The following DDX10 variants were observed in gnomAD, a reference collection of about 807,000 sequenced individuals.
DDX10 encodes DEAD-box helicase 10.
A neutral mutation model predicts 104.3 loss-of-function variants in DDX10; 74 were observed. The ratio of observed to expected loss-of-function variants is 0.71; its 90% confidence interval spans 0.59 to 0.86. The LOEUF (loss-of-function observed/expected upper bound fraction) is 0.86, where lower values mean the gene tolerates loss of function less well. Among genes scored for constraint, DDX10 ranks in the 40% least tolerant of loss-of-function variants. The pLI, the probability that DDX10 is intolerant of heterozygous loss-of-function variation, is 0.00. For synonymous variants in DDX10, 351 were observed against 353.4 expected, an observed-to-expected ratio of 0.99 and a Z score of 0.08; for missense variants, 952 against 1,040.0, an observed-to-expected ratio of 0.92 and a Z score of 1.16.
At chr11:108,801,258 C>G (rs563274529) in intron 13 of DDX10, among the ~76,000 whole-genome samples, 1 of 152,270 alleles carries the variant, frequency 6.6e-6, no homozygotes, top group African/African-American at 2.4e-5. Context: ...CCTTACCTGC[C>G]TAACCTGTGA....
At chr11:108,750,978 C>A (rs1229842643) in intron 13 of DDX10, among the ~76,000 whole-genome samples, 1 of 89,478 alleles carries the variant, frequency 1.1e-5, no homozygotes. Flanking sequence ...GATGGGCTTT[C>A]ACTATGTTGC....
rs777883217 is a variant in DDX10 at position 108,691,802 on chromosome 11, G to C, written c.976-74G>C. 913 of 1,372,242 alleles carry C rather than the reference G, an allele frequency of 6.7e-4. 1 individual carries two copies. Among genetic ancestry groups the C allele is most frequent in the Non-Finnish European group, 8.6e-4 (859 of 1,003,444 alleles). The allele number at this position is 1,372,242 out of a possible 1,614,324, so 85.0% of individuals were successfully genotyped here. A position where few individuals can be genotyped will look rare whatever the true frequency, so the allele number is the denominator to read the frequency against. On this transcript the variant is annotated intron_variant, in intron 7 of 17. Transcript: ENST00000322536. ...TTGCTCTGCTGTTGAGACTCTGTGGGATACGTTGATAAGAGAAAAGCTTTA... is the reference window on the plus strand; with the variant it reads ...TTGCTCTGCTGTTGAGACTCTGTGGCATACGTTGATAAGAGAAAAGCTTTA...
intron 16 of DDX10, among the ~76,000 whole-genome samples, chr11:108,856,169 C>T (rs572558989): frequency 2.6e-5 from 4 of 152,116 alleles, no homozygotes; most frequent in South Asian, 2.1e-4. Context: ...GTGGCTCATG[C>T]GTGTAATCCC....
At chr11:108,876,400 CT>C (rs1241327911) in intron 16 of DDX10, among the ~76,000 whole-genome samples, 3 of 152,060 alleles carry the variant, frequency 2.0e-5, no homozygotes, top group Non-Finnish European at 4.4e-5. Flanking sequence ...GACTTCAAAC[CT>C]TTTTTCCCTC....
At chr11:108,899,289 C>T (rs754177607) in intron 16 of DDX10, among the ~76,000 whole-genome samples, 1 of 151,510 alleles carries the variant, frequency 6.6e-6, no homozygotes, top group Non-Finnish European at 1.5e-5. Flanking sequence ...TTCCAAGTGG[C>T]ATTTCTTAAC....
intron 9 of DDX10, among the ~76,000 whole-genome samples, chr11:108,701,424 A>G (rs1481407321): frequency 6.6e-6 from 1 of 152,170 alleles, no homozygotes; most frequent in Non-Finnish European, 1.5e-5. Flanking sequence ...CGTAACCAAC[A>G]AATGTCTCCC....
chr11:108,837,378 A>C (rs1645475871), intron 13 of DDX10, among the ~76,000 whole-genome samples: 1 of 152,160 alleles, frequency 6.6e-6, no homozygotes, highest in Non-Finnish European at 1.5e-5. Flanking sequence ...TGAGGAGGAT[A>C]ATCCAAATCC....
At chr11:108,842,949 T>TGG (rs1862661470) in intron 15 of DDX10, among the ~76,000 whole-genome samples, 1 of 152,204 alleles carries the variant, frequency 6.6e-6, no homozygotes, top group Non-Finnish European at 1.5e-5. Context: ...TTTTCTCCCA[T>TGG]GTGGAAGTTG....
At chr11:108,716,068 A>G in intron 11 of DDX10, 102 bp downstream of exon 11, 1 of 715,456 alleles carries the variant, frequency 1.4e-6, no homozygotes, top group Non-Finnish European at 2.4e-6. Context: ...CAGATATTCA[A>G]GCAGTGTAAT....
At chr11:108,739,676 C>T (rs1318158224) in intron 13 of DDX10, among the ~76,000 whole-genome samples, 2 of 151,962 alleles carry the variant, frequency 1.3e-5, no homozygotes, top group Non-Finnish European at 1.5e-5. Context: ...GAGAGTGTAC[C>T]GTCTGGTAGA....
intron 13 of DDX10, among the ~76,000 whole-genome samples, chr11:108,766,277 C>T (rs2615753): frequency 0.62 from 94,757 of 152,048 alleles, 32,734 homozygotes; most frequent in South Asian, 0.74. Flanking sequence ...GTATCGTATC[C>T]GCTGTTACGT....
chr11:108,866,852 G>A (rs1282049840), intron 16 of DDX10, among the ~76,000 whole-genome samples: 1 of 152,154 alleles, frequency 6.6e-6, no homozygotes, highest in Non-Finnish European at 1.5e-5. Flanking sequence ...CTTCTGTTCT[G>A]TAAGGCAGGT....
intron 13 of DDX10, among the ~76,000 whole-genome samples, chr11:108,830,238 A>C (rs1377921646): frequency 1.3e-5 from 2 of 152,316 alleles, no homozygotes; most frequent in East Asian, 3.9e-4. Flanking sequence ...TTCTTTCAGC[A>C]GCAGTGTTTT....
intron 11 of DDX10, among the ~76,000 whole-genome samples, chr11:108,719,408 A>G (rs1018100150): frequency 6.6e-6 from 1 of 152,054 alleles, no homozygotes; most frequent in Non-Finnish European, 1.5e-5. Context: ...TTTTTGATAG[A>G]TGAGGATACT....
At chr11:108,677,861 G>A (rs555130963) in intron 4 of DDX10, among the ~76,000 whole-genome samples, 11 of 151,696 alleles carry the variant, frequency 7.3e-5, no homozygotes, top group East Asian at 3.9e-4. Flanking sequence ...TTTTCCCACC[G>A]CCTCCAGGAC....
chr11:108,687,392 T>G (rs1435268672), intron 6 of DDX10, among the ~76,000 whole-genome samples: 1 of 152,096 alleles, frequency 6.6e-6, no homozygotes, highest in Non-Finnish European at 1.5e-5. Context: ...CACTGCAGCC[T>G]CGAACTCCCT....
chr11:108,760,177 C>A (rs1171249822), intron 13 of DDX10, among the ~76,000 whole-genome samples: 2 of 151,782 alleles, frequency 1.3e-5, no homozygotes, highest in Non-Finnish European at 2.9e-5. Context: ...TCCCCCCCCA[C>A]CCTTAGCATT....
At chr11:108,862,273 C>T (rs976839856) in intron 16 of DDX10, among the ~76,000 whole-genome samples, 2 of 152,182 alleles carry the variant, frequency 1.3e-5, no homozygotes, top group Non-Finnish European at 2.9e-5. Flanking sequence ...ATCCTCCCGC[C>T]TCAGCCTCCC....
intron 13 of DDX10, among the ~76,000 whole-genome samples, chr11:108,829,159 C>T (rs931952863): frequency 6.6e-6 from 1 of 152,200 alleles, no homozygotes; most frequent in Non-Finnish European, 1.5e-5. Context: ...ACTTTTAATT[C>T]TTTAAGGAAT....
Sources: allele counts gnomAD v4.1 joint callset (sites outside exome capture counted in the v4.1 genomes callset), GRCh38; gene constraint gnomAD v4.1.1; transcripts MANE v1.5; gene names NCBI Gene and HGNC (gene_info 2026-07-23, HGNC 2026-07-21).